Variants in IGF2BP2 observed in about 807,000 individuals in gnomAD.
The protein encoded by IGF2BP2 is insulin like growth factor 2 mRNA binding protein 2.
A neutral mutation model predicts 75.8 loss-of-function variants in IGF2BP2; 17 were observed. That is an observed-to-expected ratio of 0.22 (90% confidence interval 0.15 to 0.34). The LOEUF (loss-of-function observed/expected upper bound fraction) is 0.34, where lower values mean the gene tolerates loss of function less well. Among genes scored for constraint, IGF2BP2 ranks in the 10% least tolerant of loss-of-function variants. The pLI is 1.00. For synonymous variants in IGF2BP2, 288 were observed against 295.6 expected (o/e 0.97, Z 0.26); for missense variants, 516 against 772.4 (o/e 0.67, Z 3.93).
intron 2 of IGF2BP2, among the ~76,000 whole-genome samples, chr3:185,764,929 G>A (rs1732851703): frequency 6.6e-6 from 1 of 152,126 alleles, no homozygotes; most frequent in Non-Finnish European, 1.5e-5. Context: ...ACACTGGCAC[G>A]CCTCTTCTAC....
chr3:185,778,367 A>G (rs933841370), intron 2 of IGF2BP2, among the ~76,000 whole-genome samples: 2 of 152,194 alleles, frequency 1.3e-5, no homozygotes, highest in Non-Finnish European at 2.9e-5. Context: ...GAGAAAAGCC[A>G]CACAGACAGG....
chr3:185,757,934 C>T (rs947148273), intron 2 of IGF2BP2, among the ~76,000 whole-genome samples: 2 of 152,210 alleles, frequency 1.3e-5, no homozygotes, highest in Non-Finnish European at 2.9e-5. Flanking sequence ...ATTTATATAG[C>T]CAAGTCAACT....
At chr3:185,755,323 A>T (rs145588198) in intron 2 of IGF2BP2, among the ~76,000 whole-genome samples, 19 of 152,350 alleles carry the variant, frequency 1.2e-4, no homozygotes, top group African/African-American at 4.6e-4. Context: ...GGTAGCTTCC[A>T]CATGGTGTTA....
In IGF2BP2 at chr3:185,644,113, T is replaced by C. The variant is rs1211341804; in HGVS notation, c.*1418A>G. ...TCCAGGCTGGCAGTTGATATCTTAT[T>C]TTTTTTCCAACTCATTTTTATTAAA... On this transcript the variant is annotated 3_prime_UTR_variant, in exon 16 of 16. Coordinates refer to ENST00000382199, the MANE Select transcript of IGF2BP2 (RefSeq NM_006548.6). 6.6e-6 allele frequency: 1 copy of C among 152,444 alleles called. No individual in the cohort carries two copies. The highest frequency in any genetic ancestry group is 6.6e-5 in the Admixed American group (1 of 15,252). 9.4% of individuals were successfully genotyped at this position (152,444 alleles called of 1,614,324 possible). A position where few individuals can be genotyped will look rare whatever the true frequency, so the allele number is the denominator to read the frequency against.
intron 12 of IGF2BP2, among the ~76,000 whole-genome samples, chr3:185,656,484 G>A (rs1715454801): frequency 6.6e-6 from 1 of 152,256 alleles, no homozygotes; most frequent in African/African-American, 2.4e-5. Context: ...GAAAGTGTAA[G>A]CATTCTTTCT....
chr3:185,743,357 C>A (rs946140554), intron 2 of IGF2BP2, among the ~76,000 whole-genome samples: 10 of 152,102 alleles, frequency 6.6e-5, no homozygotes, highest in African/African-American at 2.4e-4. Flanking sequence ...CTCACTGCAA[C>A]CTCCATCTTC....
chr3:185,669,453 C>T (rs999877888), intron 10 of IGF2BP2, among the ~76,000 whole-genome samples: 13 of 150,828 alleles, frequency 8.6e-5, no homozygotes, highest in African/African-American at 2.4e-4. Flanking sequence ...TTATTTGCTG[C>T]TTCTTTTTTA....
intron 8 of IGF2BP2, 104 bp downstream of exon 8, chr3:185,675,687 T>C: frequency 1.4e-6 from 2 of 1,388,218 alleles, no homozygotes; most frequent in Non-Finnish European, 2.0e-6. Context: ...GCATCACTTA[T>C]GATTATATTC....
intron 2 of IGF2BP2, among the ~76,000 whole-genome samples, chr3:185,784,383 A>G (rs1735601850): frequency 6.6e-6 from 1 of 152,218 alleles, no homozygotes; most frequent in Non-Finnish European, 1.5e-5. Flanking sequence ...ATATTTGAGG[A>G]ACACTGACCT....
chr3:185,756,160 A>T (rs1731589544), intron 2 of IGF2BP2, among the ~76,000 whole-genome samples: 1 of 152,052 alleles, frequency 6.6e-6, no homozygotes, highest in South Asian at 2.1e-4. Context: ...TTTATGCAAG[A>T]TCTGGTTGTT....
At position 185,643,869 on chromosome 3, in the gene IGF2BP2, A is replaced by C. The variant is rs1299631261; in HGVS notation, c.*1662T>G. On this transcript the variant is annotated 3_prime_UTR_variant, in exon 16 of 16. Coordinates refer to ENST00000382199, the MANE Select transcript of IGF2BP2 (RefSeq NM_006548.6). ...TGGTGGTATAATGGCTTGTCCACAT[A>C]AACCAGTACATGTTCATCCTTTAGC... 2 of 148,054 alleles carry C rather than the reference A, an allele frequency of 1.4e-5. No homozygotes were observed. Among genetic ancestry groups the C allele is most frequent in the Admixed American group, 1.4e-4 (2 of 14,602 alleles). The allele number at this position is 148,054 out of a possible 1,614,324, so 9.2% of individuals were successfully genotyped here. A position where few individuals can be genotyped will look rare whatever the true frequency, so the allele number is the denominator to read the frequency against.
At chr3:185,665,408 A>AG (rs1560251068) in intron 10 of IGF2BP2, among the ~76,000 whole-genome samples, 3 of 72,810 alleles carry the variant, frequency 4.1e-5, no homozygotes, top group Non-Finnish European at 5.9e-5. Flanking sequence ...GAGGAGAAGG[A>AG]AAAGGAGGAG....
intron 2 of IGF2BP2, among the ~76,000 whole-genome samples, chr3:185,756,240 C>T (rs924424593): frequency 6.6e-6 from 1 of 152,184 alleles, no homozygotes; most frequent in African/African-American, 2.4e-5. Flanking sequence ...CCTGCTCTCC[C>T]TTCACCTTCT....
At chr3:185,811,830 GTCTCTC>G (rs58208457) in intron 2 of IGF2BP2, among the ~76,000 whole-genome samples, 1,531 of 120,688 alleles carry the variant, frequency 0.013, 17 homozygotes, top group East Asian at 0.02. Context: ...AGAGTAGGGT[GTCTCTC>G]TCTCTCTCTC....
At chr3:185,765,930 C>T (rs1471616219) in intron 2 of IGF2BP2, among the ~76,000 whole-genome samples, 1 of 152,214 alleles carries the variant, frequency 6.6e-6, no homozygotes, top group Non-Finnish European at 1.5e-5. Context: ...GGGAATGAGG[C>T]AGGTTTACGG....
chr3:185,734,504 T>C (rs779921424), intron 2 of IGF2BP2, among the ~76,000 whole-genome samples: 2 of 152,204 alleles, frequency 1.3e-5, no homozygotes, highest in Non-Finnish European at 2.9e-5. Context: ...CAAAGAATCA[T>C]ACACTGGGCA....
intron 7 of IGF2BP2, among the ~76,000 whole-genome samples, chr3:185,684,730 G>C (rs1484220922): frequency 1.3e-5 from 2 of 151,970 alleles, no homozygotes; most frequent in African/African-American, 4.8e-5. Context: ...TCTTATAGCT[G>C]CACTTAATTA....
At chr3:185,649,702 G>C (rs1362790043) in intron 13 of IGF2BP2, among the ~76,000 whole-genome samples, 168 bp from the exon 14 acceptor site, 2 of 152,200 alleles carry the variant, frequency 1.3e-5, no homozygotes, top group Non-Finnish European at 1.5e-5. Context: ...AGACCTGGGG[G>C]GCGCTGCTCC....
chr3:185,670,849 C>T (rs191171339), intron 10 of IGF2BP2, among the ~76,000 whole-genome samples: 2 of 152,292 alleles, frequency 1.3e-5, no homozygotes, highest in East Asian at 3.9e-4. Flanking sequence ...GGATTACAGG[C>T]GTGAGCCATC....
Sources: allele counts gnomAD v4.1 joint callset (sites outside exome capture counted in the v4.1 genomes callset), GRCh38; gene constraint gnomAD v4.1.1; transcripts MANE v1.5; gene names NCBI Gene and HGNC (gene_info 2026-07-23, HGNC 2026-07-21).